Variants in GRM8 observed in about 807,000 individuals in gnomAD.
GRM8 encodes the protein glutamate metabotropic receptor 8, also known as metabotropic glutamate receptor 8.
Under a neutral mutation model 87.2 loss-of-function variants are expected in GRM8, and 47 were observed. The ratio of observed to expected loss-of-function variants is 0.54; its 90% confidence interval spans 0.43 to 0.69. The LOEUF is 0.69. GRM8 is among the 30% of genes least tolerant of loss of function. The probability of loss-of-function intolerance (pLI) is 0.00; values close to 1 mark genes in which losing one functional copy is unlikely to be tolerated. For synonymous variants in GRM8, 396 were observed against 404.5 expected (o/e 0.98, Z 0.25); for missense variants, 1,019 against 1,139.2 (o/e 0.89, Z 1.52).
At chr7:126,619,666 C>A (rs1206601005) in intron 7 of GRM8, among the ~76,000 whole-genome samples, 1 of 152,064 alleles carries the variant, frequency 6.6e-6, no homozygotes, top group East Asian at 1.9e-4. Flanking sequence ...TTAGGTATTT[C>A]ATAAATTTTG....
chr7:127,085,274 C>T (rs374592237), intron 3 of GRM8, among the ~76,000 whole-genome samples: 22 of 152,186 alleles, frequency 1.4e-4, no homozygotes, highest in African/African-American at 4.3e-4. Flanking sequence ...AATAAACATA[C>T]GTGTGCATGT....
chr7:126,848,083 C>T (rs921048935), intron 6 of GRM8, among the ~76,000 whole-genome samples: 2 of 152,130 alleles, frequency 1.3e-5, no homozygotes, highest in Non-Finnish European at 2.9e-5. Flanking sequence ...AGAAAGGAGA[C>T]TTCCAAGAGC....
intron 6 of GRM8, among the ~76,000 whole-genome samples, chr7:126,891,059 A>G (rs1800954458): frequency 6.6e-6 from 1 of 151,982 alleles, no homozygotes; most frequent in Non-Finnish European, 1.5e-5. Flanking sequence ...TATCTCCCAC[A>G]AAATTCATCA....
intron 7 of GRM8, among the ~76,000 whole-genome samples, chr7:126,625,736 A>T (rs759776819): frequency 2.6e-5 from 4 of 152,184 alleles, no homozygotes; most frequent in Non-Finnish European, 5.9e-5. Context: ...AAGCAGATGA[A>T]TTAGGAGGTT....
chr7:127,161,246 A>G (rs183401880), intron 2 of GRM8, among the ~76,000 whole-genome samples: 11 of 152,260 alleles, frequency 7.2e-5, no homozygotes, highest in Non-Finnish European at 1.5e-5. Flanking sequence ...TGGCCCTTTG[A>G]TCTTTGAGAG....
intron 6 of GRM8, among the ~76,000 whole-genome samples, chr7:126,808,944 CA>C (rs547008385): frequency 1.3e-5 from 2 of 152,292 alleles, no homozygotes; most frequent in African/African-American, 4.8e-5. Flanking sequence ...TGGCTTAAAA[CA>C]ACACATATTT....
intron 8 of GRM8, among the ~76,000 whole-genome samples, chr7:126,566,010 A>G (rs1035471485): frequency 3.9e-5 from 6 of 152,172 alleles, no homozygotes; most frequent in African/African-American, 9.6e-5. Context: ...TGGCACTTTT[A>G]TTATTGCCAT....
Position 126,659,009 on chromosome 7 carries a change from T to C in GRM8, c.1358-49511A>G, listed in dbSNP as rs1312638219. ...CAAAGGCCTTGAGGCAACACACTTGTAGGTAATTAATATGGTTGCGCCCCG... is the reference window on the plus strand; with the variant it reads ...CAAAGGCCTTGAGGCAACACACTTGCAGGTAATTAATATGGTTGCGCCCCG... On this transcript the variant is annotated intron_variant, in intron 7 of 10. Transcript: ENST00000339582. 5.3e-5 allele frequency among the ~76,000 whole-genome samples: 8 copies of C among 152,068 alleles called. No individual in the cohort carries two copies. The South Asian group carries it at 1.2e-3, about 24-fold the overall frequency.
At position 126,446,258 on chromosome 7, in the gene GRM8, C is replaced by T. The variant is rs1401892722; in HGVS notation, c.2545G>A (p.Val849Ile). The T allele has an allele frequency of 2.5e-6, 4 of 1,612,786 alleles. No individual in the cohort carries two copies. The highest frequency in any genetic ancestry group is 3.4e-6 in the Non-Finnish European group (4 of 1,179,282). ...YIIIFHPEQN[V>I]QKRKRSFKAV... is the part of the protein sequence containing the mutation. ...TTGAAGCTCCTCTTGCGTTTTTGAA[C>T]ATTCTGTTCTGGATGAAAAATTATA... The change falls in exon 10 of 11, where the codon GTT becomes ATT. Residue 849 changes from valine to isoleucine, a missense_variant. By Grantham distance (29) the Val-to-Ile change is conservative. Coordinates refer to ENST00000339582, the MANE Select transcript of GRM8 (RefSeq NM_000845.3).
intron 6 of GRM8, chr7:126,869,512 T>C (rs567804187): frequency 2.6e-5 from 4 of 152,296 alleles, no homozygotes; most frequent in African/African-American, 9.6e-5. Context: ...ATAATCAGAT[T>C]TGAAAGTCAA....
At chr7:126,760,731 A>G (rs2151574089) in intron 7 of GRM8, among the ~76,000 whole-genome samples, 1 of 152,304 alleles carries the variant, frequency 6.6e-6, no homozygotes, top group African/African-American at 2.4e-5. Context: ...TAATGAGACA[A>G]TTATTAAAGG....
chr7:127,010,067 T>C (rs1021394969), intron 3 of GRM8, among the ~76,000 whole-genome samples: 7 of 152,132 alleles, frequency 4.6e-5, no homozygotes, highest in Non-Finnish European at 7.4e-5. Context: ...GGTCTCGAAC[T>C]CCTGACCTGA....
chr7:127,114,392 A>G lies in GRM8; in HGVS notation c.511-7680T>C, dbSNP rs181759340. 3.7e-3 allele frequency among the ~76,000 whole-genome samples: 560 copies of G among 152,318 alleles called. 2 individuals are homozygous for G. Among genetic ancestry groups the G allele is most frequent in the Middle Eastern group, 6.8e-3 (2 of 294 alleles). ...TTATCTATCTCCCCAACATGAGCTC[A>G]GTAAGACCAAGCAAAGCTTTACATA... On this transcript the variant is annotated intron_variant, in intron 2 of 10. Transcript: ENST00000339582.
intron 2 of GRM8, among the ~76,000 whole-genome samples, chr7:127,236,063 G>A (rs1311516273): frequency 6.6e-6 from 1 of 151,964 alleles, no homozygotes; most frequent in Non-Finnish European, 1.5e-5. Context: ...TGTATTTATG[G>A]GGCATAATGT....
At chr7:126,703,516 A>G (rs1435787156) in intron 7 of GRM8, among the ~76,000 whole-genome samples, 1 of 152,152 alleles carries the variant, frequency 6.6e-6, no homozygotes, top group African/African-American at 2.4e-5. Context: ...AAGACGTTTT[A>G]ACATAAGAGT....
intron 7 of GRM8, among the ~76,000 whole-genome samples, chr7:126,737,552 G>A (rs145095015): frequency 5.1e-4 from 77 of 152,064 alleles, no homozygotes; most frequent in African/African-American, 1.8e-3. Flanking sequence ...AATCGGCTCT[G>A]TCTAGGCAGC....
At chr7:126,570,876 C>T (rs578108978) in intron 8 of GRM8, among the ~76,000 whole-genome samples, 2 of 152,306 alleles carry the variant, frequency 1.3e-5, no homozygotes, top group African/African-American at 4.8e-5. Flanking sequence ...CAAACCTTGG[C>T]TTTTCAGAAC....
At chr7:127,131,196 A>G (rs182872879) in intron 2 of GRM8, among the ~76,000 whole-genome samples, 6 of 152,306 alleles carry the variant, frequency 3.9e-5, no homozygotes, top group Admixed American at 2.6e-4. Context: ...AAAATTTTTT[A>G]ATCAACTTCT....
At chr7:126,462,812 C>A (rs573811299) in intron 9 of GRM8, among the ~76,000 whole-genome samples, 1 of 151,646 alleles carries the variant, frequency 6.6e-6, no homozygotes, top group African/African-American at 2.4e-5. Context: ...CCTATACTTT[C>A]TTTTTCCTTT....
Sources: gnomAD v4.1 joint callset for allele counts (sites outside exome capture counted in the v4.1 genomes callset) on GRCh38, gnomAD v4.1.1 for gene constraint, MANE v1.5 for transcripts, NCBI Gene and HGNC (gene_info 2026-07-23, HGNC 2026-07-21) for gene names.